The following CUX1 variants were observed in gnomAD, a reference collection of about 807,000 sequenced individuals.
CUX1 encodes the protein protein CASP.
In CUX1, 31 loss-of-function variants were observed where a neutral mutation model predicts 158.8. The observed-to-expected ratio is 0.20, with a 90% confidence interval of 0.15 to 0.26. The LOEUF is 0.26. Among genes scored for constraint, CUX1 ranks in the 10% least tolerant of loss-of-function variants. The pLI is 1.00. For missense variants in CUX1, 1,589 were observed against 2,014.6 expected, an observed-to-expected ratio of 0.79 and a Z score of 4.04; for synonymous variants, 879 against 862.1, an observed-to-expected ratio of 1.02 and a Z score of -0.34.
intron 1 of CUX1, among the ~76,000 whole-genome samples, chr7:101,871,855 T>G (rs1355234977): frequency 6.6e-6 from 1 of 151,930 alleles, no homozygotes; most frequent in Non-Finnish European, 1.5e-5. Flanking sequence ...CCGTCTCTAC[T>G]AAAAATTAAA....
At chr7:102,229,711 G>A (rs1798764703) in intron 21 of CUX1, among the ~76,000 whole-genome samples, 1 of 145,750 alleles carries the variant, frequency 6.9e-6, no homozygotes, top group Non-Finnish European at 1.5e-5. Context: ...ACTGCCTCCT[G>A]GGTTCAGGCG....
At chr7:101,952,953 T>C (rs1285561002) in intron 2 of CUX1, among the ~76,000 whole-genome samples, 3 of 152,164 alleles carry the variant, frequency 2.0e-5, no homozygotes, top group Non-Finnish European at 4.4e-5. Flanking sequence ...GTTTACAACA[T>C]GAAATAGACA....
intron 1 of CUX1, among the ~76,000 whole-genome samples, chr7:101,864,555 T>C (rs1347928704): frequency 3.3e-5 from 5 of 151,962 alleles, no homozygotes; most frequent in African/African-American, 1.2e-4. Context: ...TAGATAGTTA[T>C]TTTTATTTTT....
intron 2 of CUX1, among the ~76,000 whole-genome samples, chr7:101,924,492 C>T (rs117341226): frequency 2.1e-3 from 313 of 152,000 alleles, no homozygotes; most frequent in Non-Finnish European, 2.2e-3. Flanking sequence ...TGAGGGTGAT[C>T]GTTGTAACCC....
Position 102,111,959 on chromosome 7 carries a change from A to T in CUX1, c.607+185A>T, listed in dbSNP as rs970971329. 1.6e-5 allele frequency: 9 copies of T among 575,680 alleles called. No individual in the cohort carries two copies. In the East Asian group the frequency reaches 2.6e-4, roughly 17 times the overall value. The allele number at this position is 575,680 out of a possible 1,614,324, so 35.7% of individuals were successfully genotyped here. On this transcript the variant is annotated intron_variant, in intron 7 of 23. Transcript: ENST00000292535. Reference sequence around the variant, plus strand: ...AGCTGCTGCGCCTCATTCCTCACTGACTTTGAGTTGTTAATGTAGAGGTGG... The same window carrying T: ...AGCTGCTGCGCCTCATTCCTCACTGTCTTTGAGTTGTTAATGTAGAGGTGG...
rs1798237613 is a variant in CUX1, at chr7:101,869,289, C to T, written c.31-46826C>T. ...TGTGTCCAGAGGACGCGGTGCCTTT[C>T]AGACCCCTTGAGTAAGAGACAGAGT... On this transcript the variant is annotated intron_variant, in intron 1 of 23. Transcript: ENST00000292535. This position sits in a 1 kb window ranked among gnomAD's most constrained non-coding sequence, Gnocchi z 4.5. Among the ~76,000 whole-genome samples, 2 of 152,182 alleles carry T rather than the reference C, an allele frequency of 1.3e-5. No individual in the cohort carries two copies. The highest frequency in any genetic ancestry group is 1.3e-4 in the Admixed American group (2 of 15,286).
intron 8 of CUX1, among the ~76,000 whole-genome samples, chr7:102,125,084 ATT>A (rs1269703960): frequency 6.6e-6 from 1 of 152,018 alleles, no homozygotes; most frequent in Non-Finnish European, 1.5e-5. Flanking sequence ...GTCTGGCCCC[ATT>A]TTTTAAGTGT....
intron 8 of CUX1, among the ~76,000 whole-genome samples, chr7:102,143,361 TG>T (rs1444324730): frequency 6.6e-6 from 1 of 152,178 alleles, no homozygotes; most frequent in Non-Finnish European, 1.5e-5. Flanking sequence ...CTCCAACTCC[TG>T]GGCTCAAACG....
At chr7:101,847,361 T>A (rs1795806650) in intron 1 of CUX1, among the ~76,000 whole-genome samples, 1 of 152,154 alleles carries the variant, frequency 6.6e-6, no homozygotes. Flanking sequence ...TGACCCATGT[T>A]TGGCGGCACC....
chr7:102,108,736 TTGTGTGTGTGTGTG>T (rs10527026), intron 6 of CUX1, among the ~76,000 whole-genome samples: 5 of 144,970 alleles, frequency 3.4e-5, no homozygotes, highest in South Asian at 2.2e-4. Flanking sequence ...TTCATTCATT[TTGTGTGTGTGTGTG>T]TGTGTGTGTG....
intron 1 of CUX1, among the ~76,000 whole-genome samples, chr7:101,860,764 C>G (rs998748484): frequency 2.5e-4 from 33 of 132,950 alleles, no homozygotes; most frequent in Admixed American, 5.2e-4. Context: ...TTCCTTCCTT[C>G]CTTCCTTCCT....
At chr7:102,131,682 T>A (rs539310217) in intron 8 of CUX1, among the ~76,000 whole-genome samples, 1,533 of 151,338 alleles carry the variant, frequency 0.01, 7 homozygotes, top group African/African-American at 0.013. Context: ...TTATTTATTT[T>A]TTTTTTTTGA....
intron 20 of CUX1, among the ~76,000 whole-genome samples, chr7:102,219,336 T>C (rs1046644100): frequency 6.6e-6 from 1 of 152,024 alleles, no homozygotes; most frequent in African/African-American, 2.4e-5. Context: ...TCCCCTCTAG[T>C]TCCTCTGAGG....
intron 21 of CUX1, 106 bp downstream of exon 21, chr7:102,227,775 T>C: frequency 8.8e-7 from 1 of 1,133,520 alleles, no homozygotes; most frequent in Non-Finnish European, 1.3e-6. Flanking sequence ...TCTCAACTTG[T>C]GTAGGCACCC....
chr7:102,166,418 A>C (rs573214545), intron 9 of CUX1, among the ~76,000 whole-genome samples: 1 of 152,210 alleles, frequency 6.6e-6, no homozygotes. Context: ...GCAGGGACAC[A>C]GGAGGAGACG....
At chr7:102,108,273 A>G (rs1191264331) in intron 6 of CUX1, among the ~76,000 whole-genome samples, 1 of 152,236 alleles carries the variant, frequency 6.6e-6, no homozygotes, top group Non-Finnish European at 1.5e-5. Context: ...ATGATTGTAC[A>G]TCTTCCTACA....
intron 9 of CUX1, among the ~76,000 whole-genome samples, chr7:102,169,141 C>G (rs895450036): frequency 1.3e-5 from 2 of 151,880 alleles, no homozygotes; most frequent in Non-Finnish European, 2.9e-5. Flanking sequence ...CCACGTTGGT[C>G]AGGCTGGTCT....
chr7:102,139,568 G>T (rs1428094581), intron 8 of CUX1, among the ~76,000 whole-genome samples: 2 of 152,208 alleles, frequency 1.3e-5, no homozygotes, highest in African/African-American at 4.8e-5. Flanking sequence ...GCCAAGCCGG[G>T]GGTACTGCCT....
chr7:102,277,932 T>TC, intron 17 of CUX1: 2 of 1,150,380 alleles, frequency 1.7e-6, no homozygotes, highest in Non-Finnish European at 1.2e-6. Context: ...CCCCTTTCCT[T>TC]GCCCCTCCCC....
Sources: gnomAD v4.1 joint callset for allele counts (sites outside exome capture counted in the v4.1 genomes callset) on GRCh38, gnomAD v4.1.1 for gene constraint, Gnocchi (gnomAD v3.1) non-coding constraint, MANE v1.5 for transcripts, NCBI Gene and HGNC (gene_info 2026-07-23, HGNC 2026-07-21) for gene names.